The following BAHCC1 variants were observed in gnomAD, a reference collection of about 807,000 sequenced individuals.
The protein encoded by BAHCC1 is BAH domain and coiled-coil containing 1, also known as BAH and coiled-coil domain-containing protein 1.
A neutral mutation model predicts 88.2 loss-of-function variants in BAHCC1; 43 were observed. The observed-to-expected ratio is 0.49, with a 90% CI of 0.38 to 0.63. The LOEUF (loss-of-function observed/expected upper bound fraction) is 0.63, where lower values mean the gene tolerates loss of function less well. Ranked by LOEUF, BAHCC1 falls within the 20% of genes least tolerant of loss-of-function variation. BAHCC1 has a pLI of 0.00. For missense variants in BAHCC1, 3,023 were observed against 1,654.8 expected (o/e 1.83, Z -14.34); for synonymous variants, 1,510 against 745.5 (o/e 2.03, Z -16.71).
intron 2 of BAHCC1, among the ~76,000 whole-genome samples, chr17:81,407,163 G>A (rs2063891195): frequency 2.0e-5 from 3 of 152,240 alleles, no homozygotes; most frequent in African/African-American, 7.2e-5. Context: ...CCTTGCCCCA[G>A]CTCAGTGCAG....
rs184849667 is a variant in BAHCC1 at position 81,460,618 on chromosome 17, C to T, written c.6114C>T (p.Ala2038=). 3.1e-4 allele frequency: 238 copies of T among 770,642 alleles called. No homozygotes were observed. Among genetic ancestry groups the T allele is most frequent in the African/African-American group, 2.0e-3 (115 of 58,926 alleles). The allele number at this position is 770,642 out of a possible 1,614,324, so 47.7% of individuals were successfully genotyped here. A position where few individuals can be genotyped will look rare whatever the true frequency, so the allele number is the denominator to read the frequency against. The change falls in exon 25 of 28, where the codon GCC becomes GCT. Residue 2038 remains alanine (A), a synonymous_variant. Transcript: ENST00000675386. ...GTGAGGCACCCCCGCCTAGTGAAGC[C>T]GCCACCCCCAGCCTGTCCCCCAAAG... ...VSSEAPPPSE[A]ATPSLSPKAQ...
At chr17:81,453,958 A>G (rs2064696670) in intron 14 of BAHCC1, among the ~76,000 whole-genome samples, 1 of 152,252 alleles carries the variant, frequency 6.6e-6, no homozygotes. Context: ...TCAGAAGCCC[A>G]GCCTCCTCTG....
At chr17:81,450,682 G>A (rs1170482565) in intron 11 of BAHCC1, among the ~76,000 whole-genome samples, 1 of 152,204 alleles carries the variant, frequency 6.6e-6, no homozygotes, top group African/African-American at 2.4e-5. Context: ...TGCTCTGAGG[G>A]AGGATGGAGG....
At chr17:81,429,551 G>A (rs928037406) in intron 3 of BAHCC1, among the ~76,000 whole-genome samples, 3 of 152,286 alleles carry the variant, frequency 2.0e-5, no homozygotes, top group Non-Finnish European at 4.4e-5. Context: ...GTGCCAGCTG[G>A]CTCCCCGTGC....
Position 81,443,041 on chromosome 17 carries a change from C to T in BAHCC1, c.1692C>T (p.Ala564=), listed in dbSNP as rs1342619013. ...AGCAGGGGGGCATTGGGGCTGAGGC[C>T]AAGCGCAAGTCCCTGGAGCTGGCAT... ...EVEQGGIGAE[A]KRKSLELASL... The change falls in exon 5 of 28, where the codon GCC becomes GCT. Residue 564 remains alanine, a synonymous_variant. Transcript: ENST00000675386. 1 of 778,360 alleles carries T rather than the reference C, an allele frequency of 1.3e-6. No homozygotes were observed. The highest frequency in any genetic ancestry group is 1.3e-5 in the South Asian group (1 of 74,582). 48.2% of individuals were successfully genotyped at this position (778,360 alleles called of 1,614,324 possible).
At chr17:81,414,348 G>T (rs2063992517) in intron 2 of BAHCC1, among the ~76,000 whole-genome samples, 1 of 152,250 alleles carries the variant, frequency 6.6e-6, no homozygotes, top group Non-Finnish European at 1.5e-5. Context: ...GGTCCGTGAG[G>T]CCGGCAGGGC....
chr17:81,401,358 C>CTT (rs1429962218), intron 2 of BAHCC1: 2 of 152,706 alleles, frequency 1.3e-5, no homozygotes, highest in African/African-American at 4.8e-5. Context: ...CGAGGCTGCC[C>CTT]TTTTCTCTCT....
At chr17:81,425,209 T>TGGGTGAGGTGGTTGG (rs2064166773) in intron 2 of BAHCC1, among the ~76,000 whole-genome samples, 1 of 19,506 alleles carries the variant, frequency 5.1e-5, no homozygotes, top group Admixed American at 6.7e-4. Context: ...GTGATGATGG[T>TGGGTGAGGTGGTTGG]GGGTGATGTG....
intron 11 of BAHCC1, among the ~76,000 whole-genome samples, chr17:81,449,363 C>T (rs1190423095): frequency 6.6e-6 from 1 of 151,028 alleles, no homozygotes; most frequent in Non-Finnish European, 1.5e-5. Context: ...CTGATCCCTA[C>T]AAGTGTAGCG....
chr17:81,413,069 G>A (rs975356787), intron 2 of BAHCC1: 13 of 418,784 alleles, frequency 3.1e-5, no homozygotes, highest in African/African-American at 6.3e-5. Context: ...CACACCAAGC[G>A]CCAATTACAT....
At position 81,442,152 on chromosome 17, in the gene BAHCC1, CACCCCG is replaced by C; in HGVS notation, c.805_810del (p.Pro269_Arg270del). ...GGGCACTGCAGGGAGGGCGGCCCCG[CACCCCG>C]AGGGGCCTGCGAGGGCCGCCCCAAG... On this transcript the variant is annotated inframe_deletion, in exon 5 of 28. Transcript: ENST00000675386. 1.5e-6 allele frequency: 1 copy of C among 656,334 alleles called. No individual in the cohort carries two copies. 40.7% of individuals were successfully genotyped at this position (656,334 alleles called of 1,614,324 possible). A position where few individuals can be genotyped will look rare whatever the true frequency, so the allele number is the denominator to read the frequency against.
chr17:81,426,451 T>TA (rs879097937), intron 2 of BAHCC1, among the ~76,000 whole-genome samples: 65 of 59,472 alleles, frequency 1.1e-3, no homozygotes, highest in Non-Finnish European at 1.3e-3. Context: ...TTGGGGGTGA[T>TA]GTGGGTGATG....
chr17:81,446,005 G>A (rs1213829727), intron 10 of BAHCC1, among the ~76,000 whole-genome samples: 3 of 152,310 alleles, frequency 2.0e-5, no homozygotes, highest in East Asian at 1.9e-4. Context: ...CACCCTGGGG[G>A]CACTGGGCAT....
At chr17:81,449,228 G>A (rs2064588573) in intron 11 of BAHCC1, among the ~76,000 whole-genome samples, 1 of 152,168 alleles carries the variant, frequency 6.6e-6, no homozygotes, top group Non-Finnish European at 1.5e-5. Flanking sequence ...GTGCAGAAGT[G>A]GAGTCAGGGC....
At chr17:81,452,157 C>A (rs2064650934) in intron 13 of BAHCC1, 50 bp downstream of exon 13, 1 of 231,606 alleles carries the variant, frequency 4.3e-6, no homozygotes, top group Non-Finnish European at 8.1e-6. Context: ...CACCCCCACC[C>A]CCGGGAGGCG....
intron 2 of BAHCC1, chr17:81,400,981 G>T (rs1163055424): frequency 2.0e-5 from 3 of 152,414 alleles, no homozygotes; most frequent in Admixed American, 2.0e-4. Context: ...TTTACAGTTT[G>T]TTCTAAACAT....
At chr17:81,414,399 G>A (rs543251161) in intron 2 of BAHCC1, among the ~76,000 whole-genome samples, 19 of 152,306 alleles carry the variant, frequency 1.2e-4, no homozygotes, top group African/African-American at 2.6e-4. Context: ...CCACAGAGGC[G>A]GAGCTCGGGC....
intron 14 of BAHCC1, among the ~76,000 whole-genome samples, chr17:81,454,456 C>T (rs1555656680): frequency 2.0e-5 from 3 of 152,154 alleles, no homozygotes. Context: ...GCGTGGAGGA[C>T]AGAATGGGCT....
At chr17:81,427,134 C>A (rs1442126425) in intron 3 of BAHCC1, among the ~76,000 whole-genome samples, 155 bp downstream of exon 3, 1 of 152,086 alleles carries the variant, frequency 6.6e-6, no homozygotes, top group Non-Finnish European at 1.5e-5. Context: ...GCCTCCCTGC[C>A]GAGGAAGCCC....
Sources: gnomAD v4.1 joint callset for allele counts (sites outside exome capture counted in the v4.1 genomes callset) on GRCh38, gnomAD v4.1.1 for gene constraint, MANE v1.5 for transcripts, NCBI Gene and HGNC (gene_info 2026-07-23, HGNC 2026-07-21) for gene names.